BMPR1B: variants seen among roughly 807,000 people sequenced by gnomAD.
BMPR1B encodes bone morphogenetic protein receptor type-1B.
BMPR1B carries 12 observed loss-of-function variants against 59.1 expected under a neutral mutation model. The ratio of observed to expected loss-of-function variants is 0.20; its 90% CI spans 0.13 to 0.33. The LOEUF (loss-of-function observed/expected upper bound fraction) is 0.33. Among genes scored for constraint, BMPR1B ranks in the 10% least tolerant of loss-of-function variants. The pLI, the probability that BMPR1B is intolerant of heterozygous loss-of-function variation, is 1.00. For missense variants in BMPR1B, 550 were observed against 610.9 expected, an observed-to-expected ratio of 0.90 and a Z score of 1.05; for synonymous variants, 237 against 207.3, an observed-to-expected ratio of 1.14 and a Z score of -1.23.
At chr4:95,018,571 T>C (rs1185971633) in intron 3 of BMPR1B, among the ~76,000 whole-genome samples, 1 of 152,170 alleles carries the variant, frequency 6.6e-6, no homozygotes, top group Admixed American at 6.5e-5. Flanking sequence ...TTTTAGTCAC[T>C]GGATTACCTG....
intron 1 of BMPR1B, among the ~76,000 whole-genome samples, chr4:94,782,049 G>A (rs547356894): frequency 1.3e-5 from 2 of 151,150 alleles, no homozygotes; most frequent in East Asian, 3.9e-4. Context: ...CATTAAACTG[G>A]GAGTTTTCAG....
chr4:95,059,523 G>A (rs924795341), intron 3 of BMPR1B, among the ~76,000 whole-genome samples: 11 of 151,898 alleles, frequency 7.2e-5, no homozygotes, highest in Non-Finnish European at 1.2e-4. Context: ...CTGGGGGATC[G>A]TTTTTGGGCT....
At chr4:94,834,572 C>T (rs1306774619) in intron 1 of BMPR1B, among the ~76,000 whole-genome samples, 1 of 151,960 alleles carries the variant, frequency 6.6e-6, no homozygotes, top group East Asian at 1.9e-4. Context: ...TTGACATAGG[C>T]AGTGAATAAA....
intron 1 of BMPR1B, among the ~76,000 whole-genome samples, chr4:94,863,184 A>T (rs548584975): frequency 3.6e-4 from 55 of 152,258 alleles, no homozygotes; most frequent in African/African-American, 1.2e-3. Context: ...ACCGGGGCCT[A>T]CTTGATGGTG....
chr4:94,998,796 C>T (rs1166573068), intron 3 of BMPR1B, among the ~76,000 whole-genome samples: 1 of 152,132 alleles, frequency 6.6e-6, no homozygotes, highest in East Asian at 1.9e-4. Context: ...CTATGAGTCT[C>T]TTGTTCATAT....
chr4:94,758,161 G>A (rs1721599049), intron 1 of BMPR1B, 93 bp downstream of exon 1: 2 of 150,970 alleles, frequency 1.3e-5, no homozygotes, highest in Admixed American at 1.3e-4. Flanking sequence ...CGGGCAGAGC[G>A]AGGGGCGGCG....
intron 1 of BMPR1B, among the ~76,000 whole-genome samples, chr4:94,847,294 T>C (rs912921850): frequency 6.6e-6 from 1 of 152,250 alleles, no homozygotes; most frequent in Middle Eastern, 3.4e-3. Context: ...ACAAATGCTG[T>C]TGAGGATGTA....
At chr4:94,781,711 A>G (rs1339130301) in intron 1 of BMPR1B, among the ~76,000 whole-genome samples, 4 of 152,200 alleles carry the variant, frequency 2.6e-5, no homozygotes, top group African/African-American at 9.6e-5. Context: ...TGCCCAGCCA[A>G]TAACAAATAT....
At chr4:94,879,839 T>TA (rs780340556) in intron 2 of BMPR1B, among the ~76,000 whole-genome samples, 4 of 152,154 alleles carry the variant, frequency 2.6e-5, no homozygotes, top group African/African-American at 4.8e-5. Flanking sequence ...AATCAGTTTT[T>TA]AATACAAAGT....
chr4:95,112,885 T>G, intron 4 of BMPR1B, among the ~76,000 whole-genome samples: 1 of 152,094 alleles, frequency 6.6e-6, no homozygotes, highest in African/African-American at 2.4e-5. Flanking sequence ...TACTCCTATT[T>G]TGAGTAAGAA....
intron 1 of BMPR1B, among the ~76,000 whole-genome samples, chr4:94,807,148 G>A (rs1346854347): frequency 6.6e-6 from 1 of 152,118 alleles, no homozygotes; most frequent in Non-Finnish European, 1.5e-5. Context: ...ATGTTGGAGT[G>A]CAGTGGTGTG....
chr4:95,147,038 A>G (rs1279805436), intron 10 of BMPR1B, among the ~76,000 whole-genome samples: 2 of 152,166 alleles, frequency 1.3e-5, no homozygotes, highest in African/African-American at 4.8e-5. Context: ...CTATGTTTGC[A>G]TATGGTAAAG....
chr4:94,835,575 G>C (rs1724774713), intron 1 of BMPR1B, among the ~76,000 whole-genome samples: 2 of 151,856 alleles, frequency 1.3e-5, no homozygotes, highest in African/African-American at 4.8e-5. Context: ...CAGTCTCTTT[G>C]GTAACAACCA....
At chr4:95,133,930 A>C (rs1026344134) in intron 10 of BMPR1B, among the ~76,000 whole-genome samples, 10 of 151,678 alleles carry the variant, frequency 6.6e-5, no homozygotes, top group African/African-American at 2.2e-4. Context: ...CACAACGTGC[A>C]GGTTTGTTAC....
At chr4:95,108,942 G>A (rs1190733142) in intron 4 of BMPR1B, among the ~76,000 whole-genome samples, 3 of 151,942 alleles carry the variant, frequency 2.0e-5, no homozygotes. Flanking sequence ...TCCTTATGTG[G>A]CTTTCAACAT....
intron 3 of BMPR1B, among the ~76,000 whole-genome samples, chr4:95,031,827 T>A (rs1357100527): frequency 6.6e-6 from 1 of 152,032 alleles, no homozygotes; most frequent in Non-Finnish European, 1.5e-5. Context: ...TTTAGGAGAC[T>A]GAGGTGGGAG....
chr4:94,998,901 C>T (rs550456894), intron 3 of BMPR1B, among the ~76,000 whole-genome samples: 1 of 152,306 alleles, frequency 6.6e-6, no homozygotes, highest in African/African-American at 2.4e-5. Flanking sequence ...TCCCCTTTCT[C>T]TCCATTTTAT....
chr4:95,011,100 T>C (rs1477715563), intron 3 of BMPR1B, among the ~76,000 whole-genome samples: 2 of 152,162 alleles, frequency 1.3e-5, no homozygotes, highest in African/African-American at 4.8e-5. Flanking sequence ...TAAACTGTTA[T>C]TTTAGATTCG....
At chr4:95,118,037 C>T (rs375355427) in intron 6 of BMPR1B, among the ~76,000 whole-genome samples, 6 of 152,130 alleles carry the variant, frequency 3.9e-5, no homozygotes, top group African/African-American at 4.8e-5. Context: ...CTGAGCATTG[C>T]GTAAGGTGGC....
Sources: allele counts gnomAD v4.1 joint callset (sites outside exome capture counted in the v4.1 genomes callset), GRCh38; gene constraint gnomAD v4.1.1; transcripts MANE v1.5; gene names NCBI Gene and HGNC (gene_info 2026-07-23, HGNC 2026-07-21).